AGBL4: variants seen among roughly 807,000 people sequenced by gnomAD.
The protein encoded by AGBL4 is AGBL carboxypeptidase 4.
AGBL4 carries 58 observed loss-of-function variants against 66.4 expected under a neutral mutation model. The observed-to-expected ratio is 0.87, with a 90% CI of 0.71 to 1.09. AGBL4 has a LOEUF of 1.09. Ranked by LOEUF, AGBL4 falls within the 50% of genes least tolerant of loss-of-function variation. AGBL4 has a pLI of 0.00. For missense variants in AGBL4, 579 were observed against 631.0 expected, an observed-to-expected ratio of 0.92 and a Z score of 0.88; for synonymous variants, 234 against 222.9, an observed-to-expected ratio of 1.05 and a Z score of -0.44.
chr1:49,193,894 T>C (rs1647173837), intron 4 of AGBL4, among the ~76,000 whole-genome samples: 1 of 152,222 alleles, frequency 6.6e-6, no homozygotes, highest in South Asian at 2.1e-4. Flanking sequence ...ATAATTTCCA[T>C]TTTAAAAAAT....
chr1:49,724,136 A>C (rs1648828791), intron 2 of AGBL4, among the ~76,000 whole-genome samples: 1 of 152,168 alleles, frequency 6.6e-6, no homozygotes, highest in African/African-American at 2.4e-5. Context: ...CAAGTAGCCC[A>C]AGAAAAGGGG....
In AGBL4 at chr1:49,355,638, T is replaced by A. The variant is rs919197509; in HGVS notation, c.283-109774A>T. ...GTAGAGCCTACAAGGCTCTATGGTA[T>A]CTGACCTATCTCTCTGACTTCATCT... On this transcript the variant is annotated intron_variant, in intron 3 of 13. Transcript: ENST00000371839. 3.3e-5 allele frequency among the ~76,000 whole-genome samples: 5 copies of A among 152,330 alleles called. No individual in the cohort carries two copies. The East Asian group carries it at 9.6e-4, about 29-fold the overall frequency.
chr1:49,195,270 G>A (rs1254258462), intron 4 of AGBL4, among the ~76,000 whole-genome samples: 1 of 152,026 alleles, frequency 6.6e-6, no homozygotes, highest in Non-Finnish European at 1.5e-5. Flanking sequence ...ACTTTGATGT[G>A]TTTTTATGAA....
chr1:48,651,356 G>A (rs1471741887), intron 8 of AGBL4, among the ~76,000 whole-genome samples: 1 of 152,102 alleles, frequency 6.6e-6, no homozygotes, highest in Non-Finnish European at 1.5e-5. Flanking sequence ...CCCTGAGAGG[G>A]GAGGCATTTT....
At chr1:48,678,912 A>C (rs1646411020) in intron 6 of AGBL4, among the ~76,000 whole-genome samples, 2 of 152,232 alleles carry the variant, frequency 1.3e-5, no homozygotes, top group African/African-American at 4.8e-5. Flanking sequence ...CCTACCTGCT[A>C]CTGTTAAAGG....
intron 5 of AGBL4, among the ~76,000 whole-genome samples, chr1:48,901,335 T>A (rs922943796): frequency 1.3e-5 from 2 of 152,208 alleles, no homozygotes; most frequent in Non-Finnish European, 2.9e-5. Context: ...ATATGTAAAC[T>A]ATCATATGAT....
chr1:49,990,072 T>C (rs972739969), intron 1 of AGBL4, among the ~76,000 whole-genome samples: 1 of 152,158 alleles, frequency 6.6e-6, no homozygotes, highest in African/African-American at 2.4e-5. Flanking sequence ...AAATTGTGTA[T>C]TTTAAACACA....
Position 48,587,120 on chromosome 1 carries a change from C to T in AGBL4, c.1151G>A (p.Arg384His), listed in dbSNP as rs1644835029. Residue 384 changes from arginine to histidine, a missense_variant, in exon 11 of 14, where the codon CGT becomes CAT. By Grantham distance (29) the Arg-to-His change is conservative. Transcript: ENST00000371839. ...NRDAVKAGTG[R>H]RFLGGLLDHT... ...GTCCAGGAGTCCACCGAGGAAGCGA[C>T]GGCCAGTTCCTGCTTTCACAGCGTC... is the stretch of plus-strand genomic sequence containing the variant. The T allele has an allele frequency of 3.2e-6, 5 of 1,569,522 alleles. No individual in the cohort carries two copies. Among genetic ancestry groups the T allele is most frequent in the Admixed American group, 1.9e-5 (1 of 52,538 alleles).
At chr1:49,965,760 A>T (rs1473618728) in intron 1 of AGBL4, among the ~76,000 whole-genome samples, 1 of 152,164 alleles carries the variant, frequency 6.6e-6, no homozygotes, top group African/African-American at 2.4e-5. Flanking sequence ...GGGCCAATAT[A>T]ACAAGGAAGT....
intron 3 of AGBL4, among the ~76,000 whole-genome samples, chr1:49,636,372 A>C (rs1210924478): frequency 1.3e-5 from 2 of 152,294 alleles, no homozygotes. Context: ...CTTCTTATAC[A>C]GGCACTAATC....
rs576150165 is a variant in AGBL4 at position 49,654,547 on chromosome 1, T to C, written c.282+42766A>G. Among the ~76,000 whole-genome samples, 6 of 152,302 alleles carry C rather than the reference T, an allele frequency of 3.9e-5. No individual in the cohort carries two copies. In the East Asian group the frequency reaches 1.2e-3, roughly 29 times the overall value. On this transcript the variant is annotated intron_variant, in intron 3 of 13. Transcript: ENST00000371839. Reference sequence around the variant, plus strand: ...GGGTTAAACTCTCCCATTATTATTGTGTGGGAGTCTAAGTCTCTTTGTAGG... The same window carrying C: ...GGGTTAAACTCTCCCATTATTATTGCGTGGGAGTCTAAGTCTCTTTGTAGG...
chr1:49,811,401 T>G (rs1365798760), intron 2 of AGBL4, among the ~76,000 whole-genome samples: 1 of 152,142 alleles, frequency 6.6e-6, no homozygotes, highest in Non-Finnish European at 1.5e-5. Flanking sequence ...TAGTAAAATT[T>G]CTATGAAAGA....
intron 6 of AGBL4, among the ~76,000 whole-genome samples, chr1:48,751,884 C>T (rs966787442): frequency 1.2e-4 from 19 of 152,172 alleles, no homozygotes; most frequent in Admixed American, 6.6e-4. Context: ...ATTGTTCGGC[C>T]ACCCTGAAAT....
At chr1:48,622,664 A>G (rs1251909582) in intron 9 of AGBL4, among the ~76,000 whole-genome samples, 1 of 151,768 alleles carries the variant, frequency 6.6e-6, no homozygotes, top group African/African-American at 2.4e-5. Context: ...TTGTATTTTT[A>G]GTAGAGATGT....
intron 3 of AGBL4, among the ~76,000 whole-genome samples, chr1:49,374,011 A>G (rs1028106206): frequency 4.6e-5 from 7 of 152,096 alleles, no homozygotes; most frequent in Non-Finnish European, 8.8e-5. Flanking sequence ...TCTCAATCAA[A>G]ATCATAAAAT....
chr1:49,638,696 G>A (rs1373252524), intron 3 of AGBL4, among the ~76,000 whole-genome samples: 5 of 152,176 alleles, frequency 3.3e-5, no homozygotes, highest in African/African-American at 4.8e-5. Context: ...CTGCTGCCAT[G>A]TAAGACATGC....
chr1:48,808,316 T>A (rs1645973789), intron 6 of AGBL4, among the ~76,000 whole-genome samples: 1 of 152,220 alleles, frequency 6.6e-6, no homozygotes, highest in South Asian at 2.1e-4. Context: ...CCTTAAACAT[T>A]CTGTCTTATT....
chr1:49,260,123 C>A (rs1335146192), intron 3 of AGBL4, among the ~76,000 whole-genome samples: 3 of 149,714 alleles, frequency 2.0e-5, no homozygotes, highest in Admixed American at 2.0e-4. Context: ...AACAAAGACA[C>A]AACATACCAG....
chr1:49,642,050 G>T (rs749232629), intron 3 of AGBL4, among the ~76,000 whole-genome samples: 2 of 82,352 alleles, frequency 2.4e-5, no homozygotes, highest in Non-Finnish European at 2.6e-5. Context: ...AGAATTTTAC[G>T]AATAGAAAAC....
Sources: allele counts gnomAD v4.1 joint callset (sites outside exome capture counted in the v4.1 genomes callset), GRCh38; gene constraint gnomAD v4.1.1; transcripts MANE v1.5; gene names NCBI Gene and HGNC (gene_info 2026-07-23, HGNC 2026-07-21).